The following SH3TC1 variants were observed in gnomAD, a reference collection of about 807,000 sequenced individuals.
SH3TC1 encodes SH3 domain and tetratricopeptide repeat-containing protein 1.
Under a neutral mutation model 117.3 loss-of-function variants are expected in SH3TC1, and 135 were observed. The ratio of observed to expected loss-of-function variants is 1.15; its 90% confidence interval spans 1.00 to 1.33. SH3TC1 has a LOEUF of 1.33. Ranked by LOEUF, SH3TC1 falls within the 40% of genes most tolerant of loss-of-function variation. The pLI is 0.00. For synonymous variants in SH3TC1, 898 were observed against 816.9 expected, an observed-to-expected ratio of 1.10 and a Z score of -1.69; for missense variants, 2,092 against 1,794.3, an observed-to-expected ratio of 1.17 and a Z score of -3.00.
Position 8,228,042 on chromosome 4 carries a change from C to T in SH3TC1, c.2348C>T (p.Ala783Val), listed in dbSNP as rs139228685. Reference protein sequence around the residue: ...LASLTPGTGQALRGPLYTSLA... With the variant: ...LASLTPGTGQVLRGPLYTSLA... ...TCCCTGACCCCGGGCACAGGCCAGG[C>T]GCTGCGCGGCCCCCTCTACACCAGC... The change falls in exon 12 of 18, where the codon GCG (alanine) becomes GTG (valine). Residue 783 changes from alanine (A) to valine (V), a missense_variant. Coordinates refer to ENST00000245105, the MANE Select transcript of SH3TC1 (RefSeq NM_018986.5). 1.0e-5 allele frequency: 16 copies of T among 1,606,140 alleles called. No homozygotes were observed. Among genetic ancestry groups the T allele is most frequent in the African/African-American group, 4.0e-5 (3 of 74,874 alleles).
At chr4:8,219,189 A>G in intron 8 of SH3TC1, 146 bp from the exon 9 acceptor site, 1 of 718,716 alleles carries the variant, frequency 1.4e-6, no homozygotes. Flanking sequence ...TCCCTCCCTC[A>G]TTGCGGAAAC....
chr4:8,214,065 C>CG, intron 4 of SH3TC1, among the ~76,000 whole-genome samples: 1 of 151,890 alleles, frequency 6.6e-6, no homozygotes, highest in Admixed American at 6.6e-5. Context: ...GGGATGCTGG[C>CG]GGGGGGATGG....
intron 2 of SH3TC1, among the ~76,000 whole-genome samples, chr4:8,207,298 A>T (rs1207133408): frequency 6.6e-6 from 1 of 152,212 alleles, no homozygotes; most frequent in Non-Finnish European, 1.5e-5. Flanking sequence ...AGTGCAGACG[A>T]TGTCTATTAG....
chr4:8,182,661 G>T (rs866970278), intron 1 of SH3TC1, among the ~76,000 whole-genome samples: 3 of 152,170 alleles, frequency 2.0e-5, no homozygotes, highest in Non-Finnish European at 4.4e-5. Flanking sequence ...TGAGGCATTG[G>T]TGTTGGTGCC....
chr4:8,235,970 G>A (rs1721773273), intron 15 of SH3TC1: 1 of 431,138 alleles, frequency 2.3e-6, no homozygotes, highest in Admixed American at 4.0e-5. Flanking sequence ...GTGTGGCTCA[G>A]CCCTGGGCAC....
At chr4:8,214,209 G>A (rs1198305506) in intron 4 of SH3TC1, among the ~76,000 whole-genome samples, 3 of 152,074 alleles carry the variant, frequency 2.0e-5, no homozygotes, top group Non-Finnish European at 4.4e-5. Flanking sequence ...GTGCTGAGGG[G>A]GAGGTGTAGA....
chr4:8,232,170 C>T lies in SH3TC1; in HGVS notation c.3131+14C>T. On this transcript the variant is annotated intron_variant, in intron 13 of 17. Coordinates refer to ENST00000245105, the MANE Select transcript of SH3TC1 (RefSeq NM_018986.5). ...GGGCACCGAGCGGTGAGGGCTGGCT[C>T]TGTGGTGGTGGGGGCGGGGGGAGGG... 1.5e-6 allele frequency: 1 copy of T among 661,218 alleles called. No individual in the cohort carries two copies. Among genetic ancestry groups the T allele is most frequent in the Non-Finnish European group, 2.0e-6 (1 of 493,046 alleles). The allele number at this position is 661,218 out of a possible 1,614,324, so 41.0% of individuals were successfully genotyped here.
Position 8,209,890 on chromosome 4 carries a change from A to C in SH3TC1, c.247+68A>C. 9.9e-6 allele frequency: 15 copies of C among 1,508,368 alleles called. No individual in the cohort carries two copies. The highest frequency in any genetic ancestry group is 1.3e-5 in the Non-Finnish European group (14 of 1,100,534). The allele number at this position is 1,508,368 out of a possible 1,614,324, so 93.4% of individuals were successfully genotyped here. A position where few individuals can be genotyped will look rare whatever the true frequency, so the allele number is the denominator to read the frequency against. The stretch of plus-strand genomic sequence containing the variant: ...GGGCTGTGCCGCTCCCTGGGCATCC[A>C]AGAGTCCAACCCAGGGCTTCTCAAA... On this transcript the variant is annotated intron_variant, in intron 3 of 17. Transcript: ENST00000245105. This position sits in a 1 kb window ranked among gnomAD's most constrained non-coding sequence, Gnocchi z 5.9.
chr4:8,201,195 G>A (rs1359804499), intron 1 of SH3TC1, among the ~76,000 whole-genome samples: 1 of 152,202 alleles, frequency 6.6e-6, no homozygotes, highest in Non-Finnish European at 1.5e-5. Flanking sequence ...GCTGGCCGCG[G>A]CCCTCTCCCT....
At chr4:8,221,012 G>A (rs190852698) in intron 9 of SH3TC1, among the ~76,000 whole-genome samples, 2 of 152,310 alleles carry the variant, frequency 1.3e-5, no homozygotes, top group Admixed American at 1.3e-4. Flanking sequence ...GTGATCCCAG[G>A]GATTCCCAGC....
chr4:8,239,810 C>A (rs1722173035), intron 17 of SH3TC1, among the ~76,000 whole-genome samples: 1 of 152,242 alleles, frequency 6.6e-6, no homozygotes, highest in Non-Finnish European at 1.5e-5. Context: ...GTGTTCACTC[C>A]CAGGTCCCCC....
Position 8,209,661 on chromosome 4 carries a change from G to A in SH3TC1, c.173-87G>A, listed in dbSNP as rs1338128119. 1 of 1,578,468 alleles carries A rather than the reference G, an allele frequency of 6.3e-7. No homozygotes were observed. Among genetic ancestry groups the A allele is most frequent in the Admixed American group, 1.8e-5 (1 of 54,528 alleles). On this transcript the variant is annotated intron_variant, in intron 2 of 17. Coordinates refer to ENST00000245105, the MANE Select transcript of SH3TC1 (RefSeq NM_018986.5). The surrounding 1 kb of genome is among the most constrained non-coding windows in gnomAD (Gnocchi z 5.9). ...CGGGACAGAACTCACCTCTTTTCTT[G>A]CAGAGAGACCTGGAGCGTTTGGCGC...
At chr4:8,200,675 GCGCAGGACA>G (rs1717773700) in intron 1 of SH3TC1, among the ~76,000 whole-genome samples, 1 of 152,252 alleles carries the variant, frequency 6.6e-6, no homozygotes. Flanking sequence ...TGCTGCCAGA[GCGCAGGACA>G]CAGCCCTCTC....
intron 9 of SH3TC1, among the ~76,000 whole-genome samples, chr4:8,220,045 A>G (rs1719753626): frequency 6.6e-6 from 1 of 152,090 alleles, no homozygotes; most frequent in South Asian, 2.1e-4. Context: ...TTCTCTTCTT[A>G]AAAGGGTGCC....
Position 8,236,382 on chromosome 4 carries a change from G to A in SH3TC1, c.3510G>A (p.Glu1170=). Residue 1170 remains glutamate, a synonymous_variant, in exon 16 of 18, where the codon GAG becomes GAA. Coordinates refer to ENST00000245105, the MANE Select transcript of SH3TC1 (RefSeq NM_018986.5). ...ALLATLEEPQ[E]GLEFAHMALA... The stretch of plus-strand genomic sequence containing the variant: ...TGGCCACGCTGGAGGAGCCCCAGGA[G>A]GGCTTGGAGTTTGCCCACATGGCCC... 2 of 1,539,648 alleles carry A rather than the reference G, an allele frequency of 1.3e-6. No individual in the cohort carries two copies. Among genetic ancestry groups the A allele is most frequent in the Non-Finnish European group, 1.8e-6 (2 of 1,141,118 alleles).
intron 14 of SH3TC1, among the ~76,000 whole-genome samples, chr4:8,234,503 CCATT>C (rs777369583): frequency 3.2e-3 from 480 of 149,830 alleles, no homozygotes; most frequent in African/African-American, 9.6e-3. Context: ...ACCCATCCAT[CCATT>C]CATCTGTCCA....
chr4:8,230,034 T>G, intron 12 of SH3TC1, among the ~76,000 whole-genome samples: 1 of 151,274 alleles, frequency 6.6e-6, no homozygotes, highest in South Asian at 2.1e-4. Flanking sequence ...GGGACGAGGA[T>G]CATGCTTCCC....
rs1160862706 is a variant in SH3TC1 at position 8,222,360 on chromosome 4, GGTT to G, written c.1113-479_1113-477del. ...AAGGCACCCCTTGAGGTCAGGATCT[GGTT>G]TTTTTTTTTTTTTTTTTTTTTTTTT... On this transcript the variant is annotated intron_variant, in intron 9 of 17. Coordinates refer to ENST00000245105, the MANE Select transcript of SH3TC1 (RefSeq NM_018986.5). Among the ~76,000 whole-genome samples, 60 of 105,778 alleles carry G rather than the reference GGTT, an allele frequency of 5.7e-4. 1 individual carries two copies. Among genetic ancestry groups the G allele is most frequent in the African/African-American group, 1.5e-3 (42 of 28,072 alleles). The allele number at this position is 105,778 out of a possible 152,430, so 69.4% of individuals were successfully genotyped here.
At chr4:8,193,684 G>C (rs1717479425) in intron 1 of SH3TC1, among the ~76,000 whole-genome samples, 1 of 152,206 alleles carries the variant, frequency 6.6e-6, no homozygotes, top group South Asian at 2.1e-4. Context: ...GGACAGGTAG[G>C]GTCCCACAAA....
Sources: gnomAD v4.1 joint callset for allele counts (sites outside exome capture counted in the v4.1 genomes callset) on GRCh38, gnomAD v4.1.1 for gene constraint, Gnocchi (gnomAD v3.1) non-coding constraint, MANE v1.5 for transcripts, NCBI Gene and HGNC (gene_info 2026-07-23, HGNC 2026-07-21) for gene names.